The following UHRF1 variants were observed in gnomAD, a reference collection of about 807,000 sequenced individuals.
The protein encoded by UHRF1 is E3 ubiquitin-protein ligase UHRF1.
A neutral mutation model predicts 96.5 loss-of-function variants in UHRF1; 9 were observed. That is an observed-to-expected ratio of 0.09 (90% CI 0.06 to 0.16). The LOEUF is 0.16. Among genes scored for constraint, UHRF1 ranks in the 10% least tolerant of loss-of-function variants. UHRF1 has a pLI of 1.00. For synonymous variants in UHRF1, 455 were observed against 469.9 expected, an observed-to-expected ratio of 0.97 and a Z score of 0.41; for missense variants, 626 against 1,131.1, an observed-to-expected ratio of 0.55 and a Z score of 6.40.
intron 7 of UHRF1, among the ~76,000 whole-genome samples, chr19:4,943,733 C>T (rs971093749): frequency 6.6e-6 from 1 of 152,118 alleles, no homozygotes; most frequent in African/African-American, 2.4e-5. Flanking sequence ...TCACTGCAAC[C>T]TCTGCCTCCT....
At chr19:4,950,564 G>T in intron 11 of UHRF1, 47 bp from the exon 12 acceptor site, 6 of 1,574,922 alleles carry the variant, frequency 3.8e-6, no homozygotes, top group Non-Finnish European at 5.2e-6. Flanking sequence ...CTTTTTTGGG[G>T]GGTACATCCT....
At chr19:4,946,591 T>C (rs1302596149) in intron 10 of UHRF1, among the ~76,000 whole-genome samples, 1 of 151,266 alleles carries the variant, frequency 6.6e-6, no homozygotes, top group East Asian at 1.9e-4. Context: ...TTTTTTTTTT[T>C]CTTTTTTTTG....
chr19:4,957,454 G>A (rs1040751739), intron 16 of UHRF1, among the ~76,000 whole-genome samples: 29 of 151,796 alleles, frequency 1.9e-4, no homozygotes, highest in African/African-American at 4.1e-4. Flanking sequence ...GACTACAGGC[G>A]CCCGCCACCG....
intron 2 of UHRF1, among the ~76,000 whole-genome samples, chr19:4,926,146 G>A (rs1446638883): frequency 6.6e-6 from 1 of 151,930 alleles, no homozygotes; most frequent in African/African-American, 2.4e-5. Flanking sequence ...TGCCTGCCTC[G>A]GCCTCCCAAA....
chr19:4,954,912 T>G lies in UHRF1; in HGVS notation c.2130+90T>G. 1 of 1,512,128 alleles carries G rather than the reference T, an allele frequency of 6.6e-7. No homozygotes were observed. Among genetic ancestry groups the G allele is most frequent in the South Asian group, 1.2e-5 (1 of 81,342 alleles). The allele number at this position is 1,512,128 out of a possible 1,614,324, so 93.7% of individuals were successfully genotyped here. A position where few individuals can be genotyped will look rare whatever the true frequency, so the allele number is the denominator to read the frequency against. On this transcript the variant is annotated intron_variant, in intron 15 of 16. Transcript: ENST00000650932. This position sits in a 1 kb window ranked among gnomAD's most constrained non-coding sequence, Gnocchi z 5.9. ...GTTTCCCATGTTCCCCATTTTCAAG[T>G]GTACAGCTCAGTCGCACTGAGTACA...
At chr19:4,911,935 G>A (rs769226111) in intron 2 of UHRF1, among the ~76,000 whole-genome samples, 7 of 152,190 alleles carry the variant, frequency 4.6e-5, no homozygotes, top group Non-Finnish European at 1.0e-4. Flanking sequence ...CTGTGTTGTT[G>A]TTGGATTTTG....
At chr19:4,908,109 A>C (rs961478900), upstream of UHRF1, among the ~76,000 whole-genome samples, 1 of 152,136 alleles carries the variant, frequency 6.6e-6, no homozygotes, top group Non-Finnish European at 1.5e-5. Flanking sequence ...TTTTAAGGAC[A>C]TTGTGCCCAC....
At position 4,955,764 on chromosome 19, in the gene UHRF1, G is replaced by A. The variant is rs886946082; in HGVS notation, c.2130+942G>A. Reference sequence around the variant, plus strand: ...TCCGAGGCTGGGCTCCTGGTGGCCCGTGTACTCAGTATGCATTGTGTCAGT... The same window carrying A: ...TCCGAGGCTGGGCTCCTGGTGGCCCATGTACTCAGTATGCATTGTGTCAGT... On this transcript the variant is annotated intron_variant, in intron 15 of 16. Transcript: ENST00000650932. 3.3e-5 allele frequency among the ~76,000 whole-genome samples: 5 copies of A among 151,882 alleles called. No homozygotes were observed. The East Asian group carries it at 5.8e-4, about 18-fold the overall frequency.
At chr19:4,942,257 CTCAGCT>C in intron 7 of UHRF1, among the ~76,000 whole-genome samples, 1 of 151,986 alleles carries the variant, frequency 6.6e-6, no homozygotes, top group Admixed American at 6.6e-5. Flanking sequence ...GTGGCGCGAT[CTCAGCT>C]CACTGCAAGC....
At chr19:4,960,005 C>T (rs2033949758) in intron 16 of UHRF1, among the ~76,000 whole-genome samples, 2 of 152,210 alleles carry the variant, frequency 1.3e-5, no homozygotes, top group African/African-American at 2.4e-5. Flanking sequence ...GGATTACAGG[C>T]ATGTGCCTGG....
chr19:4,924,429 G>C lies in UHRF1; in HGVS notation c.154-4793G>C, dbSNP rs547655180. 3.2e-4 allele frequency among the ~76,000 whole-genome samples: 48 copies of C among 152,112 alleles called. 1 individual carries two copies. In the South Asian group the frequency reaches 9.8e-3, roughly 31 times the overall value. ...CTCCCAAAGTGCTGGGATTATAGGCGTGAGCCACCGCACCCGGCCAATTTT... is the reference window on the plus strand; with the variant it reads ...CTCCCAAAGTGCTGGGATTATAGGCCTGAGCCACCGCACCCGGCCAATTTT... On this transcript the variant is annotated intron_variant, in intron 2 of 16. Transcript: ENST00000650932.
chr19:4,918,694 G>A (rs867786895), intron 2 of UHRF1, among the ~76,000 whole-genome samples: 23 of 149,110 alleles, frequency 1.5e-4, no homozygotes, highest in Middle Eastern at 3.5e-3. Flanking sequence ...GATTACAGGC[G>A]TGAGCTACTG....
At chr19:4,929,720 A>G (rs968278226) in intron 3 of UHRF1, among the ~76,000 whole-genome samples, 1 of 152,188 alleles carries the variant, frequency 6.6e-6, no homozygotes, top group African/African-American at 2.4e-5. Context: ...TGAAGCTTGC[A>G]GTGGCTGTGA....
chr19:4,960,628 A>C, intron 16 of UHRF1, 29 bp from the exon 17 acceptor site: 6 of 1,608,856 alleles, frequency 3.7e-6, no homozygotes, highest in Non-Finnish European at 5.1e-6. Context: ...TGTGGATGGC[A>C]CTTCTCACGC....
intron 3 of UHRF1, among the ~76,000 whole-genome samples, chr19:4,929,966 A>AATTTT (rs1276895865): frequency 1.3e-5 from 2 of 151,768 alleles, no homozygotes; most frequent in African/African-American, 4.8e-5. Flanking sequence ...ACGCCCAGCT[A>AATTTT]ATTTTATTTT....
chr19:4,949,741 G>A (rs1459154923), intron 11 of UHRF1, among the ~76,000 whole-genome samples: 4 of 152,148 alleles, frequency 2.6e-5, no homozygotes, highest in African/African-American at 9.7e-5. Context: ...GGAGCCGGAG[G>A]TGGGAGGATG....
At chr19:4,909,747 C>A (rs1459873067) in intron 1 of UHRF1, 92 bp downstream of exon 1, 6 of 488,228 alleles carry the variant, frequency 1.2e-5, no homozygotes, top group Non-Finnish European at 2.2e-5. Context: ...CCAGCCCGGG[C>A]GCACGCATGT....
rs17886098 is a variant in UHRF1 at position 4,932,889 on chromosome 19, G to C, written c.718G>C (p.Asp240His). 1.4e-3 allele frequency: 2,232 copies of C among 1,613,848 alleles called. 3 individuals are homozygous for C. Among genetic ancestry groups the C allele is most frequent in the Non-Finnish European group, 1.7e-3 (1,949 of 1,179,880 alleles). Reference sequence around the variant, plus strand: ...CCCCAAGGAGCGGGGCTTCTGGTACGACGCGGAGATCTCCAGGAAGCGCGA... The same window carrying C: ...CCCCAAGGAGCGGGGCTTCTGGTACCACGCGGAGATCTCCAGGAAGCGCGA... Reference protein sequence around the residue: ...DNPKERGFWYDAEISRKRETR... With the variant: ...DNPKERGFWYHAEISRKRETR... The change falls in exon 5 of 17, where the codon GAC (aspartate) becomes CAC (histidine). Residue 240 changes from aspartate (D) to histidine (H), a missense_variant. By Grantham distance (81) the Asp-to-His change is moderately conservative. Transcript: ENST00000650932.
At chr19:4,916,482 G>A (rs530684161) in intron 2 of UHRF1, among the ~76,000 whole-genome samples, 1 of 152,266 alleles carries the variant, frequency 6.6e-6, no homozygotes, top group East Asian at 1.9e-4. Context: ...CAGTGATCGT[G>A]GTGTCTTTGT....
Sources: gnomAD v4.1 joint callset for allele counts (sites outside exome capture counted in the v4.1 genomes callset) on GRCh38, gnomAD v4.1.1 for gene constraint, Gnocchi (gnomAD v3.1) non-coding constraint, MANE v1.5 for transcripts, NCBI Gene and HGNC (gene_info 2026-07-23, HGNC 2026-07-21) for gene names.